Variants in CYB561 observed in about 807,000 individuals in gnomAD.
CYB561 encodes cytochrome b561.
Under a neutral mutation model 25.3 loss-of-function variants are expected in CYB561, and 11 were observed. The observed-to-expected ratio is 0.44, with a 90% CI of 0.27 to 0.72. The LOEUF (loss-of-function observed/expected upper bound fraction) is 0.72. Ranked by LOEUF, CYB561 falls within the 30% of genes least tolerant of loss-of-function variation. The pLI, the probability that CYB561 is intolerant of heterozygous loss-of-function variation, is 0.18. For missense variants in CYB561, 295 were observed against 334.9 expected, an observed-to-expected ratio of 0.88 and a Z score of 0.93; for synonymous variants, 165 against 158.8, an observed-to-expected ratio of 1.04 and a Z score of -0.29.
In CYB561 at chr17:63,435,155, G is replaced by T. The variant is rs755500531; in HGVS notation, c.494C>A (p.Ala165Asp). 15 of 1,614,134 alleles carry T rather than the reference G, an allele frequency of 9.3e-6. No homozygotes were observed. Among genetic ancestry groups the T allele is most frequent in the Admixed American group, 3.3e-5 (2 of 60,014 alleles). Residue 165 changes from alanine to aspartate, a missense_variant, in exon 5 of 6, where the codon GCT (alanine) becomes GAT (aspartate). By Grantham distance (126) the Ala-to-Asp change is moderately radical. Transcript: ENST00000360793. ...RYRPQHIFFG[A>D]TIFLLSVGTA... The stretch of plus-strand genomic sequence containing the variant: ...GCCCACGGAAAGGAGGAAGATGGTA[G>T]CACCAAAGAAGATGTGCTGTGGGCG...
At chr17:63,442,162 G>A (rs149614251) in intron 1 of CYB561, among the ~76,000 whole-genome samples, 132 of 152,320 alleles carry the variant, frequency 8.7e-4, no homozygotes, top group African/African-American at 2.9e-3. Flanking sequence ...GCCTGCAGGC[G>A]ACCACAGTCC....
chr17:63,436,970 G>A lies in CYB561; in HGVS notation c.202+376C>T, dbSNP rs906956759. 5.4e-5 allele frequency: 13 copies of A among 241,704 alleles called. No homozygotes were observed. The East Asian group carries it at 8.4e-4, about 16-fold the overall frequency. 15.0% of individuals were successfully genotyped at this position (241,704 alleles called of 1,614,324 possible). ...AGTCCAAGACCAACAACACACATGC[G>A]CGCGCACGCACGCACGCATACAAAC... On this transcript the variant is annotated intron_variant, in intron 2 of 5. Coordinates refer to ENST00000360793, the MANE Select transcript of CYB561 (RefSeq NM_001915.4). This position sits in a 1 kb window ranked among gnomAD's most constrained non-coding sequence, Gnocchi z 4.8.
In CYB561 at chr17:63,435,458, A is replaced by G. The variant is rs984418641; in HGVS notation, c.406-215T>C. On this transcript the variant is annotated intron_variant, in intron 4 of 5. Coordinates refer to ENST00000360793, the MANE Select transcript of CYB561 (RefSeq NM_001915.4). Reference sequence around the variant, plus strand: ...GCTTGAGGCCTTGGCACACTCAGAAAGCTGGGCTTGTGGCCAAAAGTGCTG... The same window carrying G: ...GCTTGAGGCCTTGGCACACTCAGAAGGCTGGGCTTGTGGCCAAAAGTGCTG... 46 of 684,100 alleles carry G rather than the reference A, an allele frequency of 6.7e-5. No individual in the cohort carries two copies. The African/African-American group carries it at 8.0e-4, about 12-fold the overall frequency. 42.4% of individuals were successfully genotyped at this position (684,100 alleles called of 1,614,324 possible). A position where few individuals can be genotyped will look rare whatever the true frequency, so the allele number is the denominator to read the frequency against.
intron 1 of CYB561, 197 bp from the exon 2 acceptor site, chr17:63,437,757 C>A: frequency 2.3e-6 from 1 of 437,638 alleles, no homozygotes; most frequent in South Asian, 2.1e-5. Context: ...TGCGCACAGC[C>A]GCCCCTGCTA....
rs925854173 is a variant in CYB561 at position 63,435,884 on chromosome 17, G to T, written c.302-93C>A. On this transcript the variant is annotated intron_variant, in intron 3 of 5. Coordinates refer to ENST00000360793, the MANE Select transcript of CYB561 (RefSeq NM_001915.4). ...GGGAACCAGCTAGCGGGACTTCTGG[G>T]CTTTAGTCCCAGCTCGAGGGCTGCC... 1.6e-5 allele frequency: 25 copies of T among 1,578,174 alleles called. No individual in the cohort carries two copies. The African/African-American group carries it at 3.2e-4, about 20-fold the overall frequency.
upstream of CYB561, chr17:63,446,475 G>C (rs935455942): frequency 1.3e-5 from 2 of 152,080 alleles, no homozygotes; most frequent in African/African-American, 4.8e-5. Context: ...GCCCGCACGT[G>C]GGCGAACCGC....
intron 4 of CYB561, 183 bp from the exon 5 acceptor site, chr17:63,435,426 C>T (rs1271920084): frequency 2.9e-6 from 2 of 700,832 alleles, no homozygotes; most frequent in African/African-American, 1.8e-5. Flanking sequence ...GGGACCGGTC[C>T]CCCAACGCTT....
At chr17:63,437,273 A>G in intron 2 of CYB561, 73 bp downstream of exon 2, 1 of 1,186,474 alleles carries the variant, frequency 8.4e-7, no homozygotes, top group Middle Eastern at 2.0e-4. Context: ...CGCAGGGGTG[A>G]CAAGACCCCT....
At chr17:63,440,541 T>C (rs1397767620) in intron 1 of CYB561, among the ~76,000 whole-genome samples, 1 of 152,196 alleles carries the variant, frequency 6.6e-6, no homozygotes, top group Non-Finnish European at 1.5e-5. Flanking sequence ...GGCATGATCC[T>C]GCCCGTTTCC....
intron 1 of CYB561, among the ~76,000 whole-genome samples, chr17:63,443,579 A>G (rs2049396603): frequency 6.6e-6 from 1 of 152,232 alleles, no homozygotes; most frequent in African/African-American, 2.4e-5. Context: ...AAAAATGAAC[A>G]TTTAGGGTTG....
Position 63,434,391 on chromosome 17 carries a change from G to T in CYB561, c.*11C>A. 1 of 1,542,644 alleles carries T rather than the reference G, an allele frequency of 6.5e-7. No homozygotes were observed. The highest frequency in any genetic ancestry group is 8.8e-7 in the Non-Finnish European group (1 of 1,139,634). On this transcript the variant is annotated 3_prime_UTR_variant, in exon 6 of 6. Coordinates refer to ENST00000360793, the MANE Select transcript of CYB561 (RefSeq NM_001915.4). ...AGACACCCCGCGAACCCCCAGGGCC[G>T]GCCGGGCGCATCACTGGGAGCCGGG...
chr17:63,442,555 T>G (rs1252584617), intron 1 of CYB561, among the ~76,000 whole-genome samples: 1 of 152,110 alleles, frequency 6.6e-6, no homozygotes, highest in African/African-American at 2.4e-5. Context: ...AGCAGAACTG[T>G]GGGCAGCAGC....
At chr17:63,437,972 C>CCCCCCCCCCT in intron 1 of CYB561, 1 of 454,266 alleles carries the variant, frequency 2.2e-6, no homozygotes, top group African/African-American at 2.3e-5. Context: ...CCACGGCGGC[C>CCCCCCCCCCT]CCGCCACCCT....
rs917116716 is a variant in CYB561, at chr17:63,435,900, G to C, written c.302-109C>G. 135 of 1,581,476 alleles carry C rather than the reference G, an allele frequency of 8.5e-5. 5 individuals carry two copies. The South Asian group carries it at 1.5e-3, about 17-fold the overall frequency. On this transcript the variant is annotated intron_variant, in intron 3 of 5. Coordinates refer to ENST00000360793, the MANE Select transcript of CYB561 (RefSeq NM_001915.4). ...GACTTCTGGGCTTTAGTCCCAGCTC[G>C]AGGGCTGCCAGCACCTAGTGGCCCT... is the stretch of plus-strand genomic sequence containing the variant.
chr17:63,438,102 C>G (rs1003771703), intron 1 of CYB561: 26 of 1,534,324 alleles, frequency 1.7e-5, no homozygotes, highest in Non-Finnish European at 2.2e-5. Context: ...GCCCAGCCTC[C>G]CCACGGGGAC....
At chr17:63,435,579 C>G in intron 4 of CYB561, 109 bp downstream of exon 4, 1 of 942,006 alleles carries the variant, frequency 1.1e-6, no homozygotes, top group Admixed American at 2.0e-5. Context: ...CTCACCTGCA[C>G]ACACCCCAGA....
At chr17:63,437,853 G>A (rs2049327789) in intron 1 of CYB561, 1 of 460,368 alleles carries the variant, frequency 2.2e-6, no homozygotes, top group Non-Finnish European at 3.7e-6. Context: ...GCCCCCCCGA[G>A]ATGCACACAG....
intron 1 of CYB561, chr17:63,438,154 T>G: frequency 6.5e-7 from 1 of 1,534,906 alleles, no homozygotes; most frequent in Non-Finnish European, 8.7e-7. Flanking sequence ...CCATATGCGG[T>G]GAGGGTGCAA....
chr17:63,438,087 G>T (rs754937412), intron 1 of CYB561: 7 of 1,533,924 alleles, frequency 4.6e-6, no homozygotes, highest in Non-Finnish European at 6.1e-6. Context: ...TGGCTGGGGG[G>T]AGGGGCCCAG....
Sources: gnomAD v4.1 joint callset for allele counts (sites outside exome capture counted in the v4.1 genomes callset) on GRCh38, gnomAD v4.1.1 for gene constraint, Gnocchi (gnomAD v3.1) non-coding constraint, MANE v1.5 for transcripts, NCBI Gene and HGNC (gene_info 2026-07-23, HGNC 2026-07-21) for gene names.